Variants in SENP7 observed in about 807,000 individuals in gnomAD.
The protein encoded by SENP7 is sentrin-specific protease 7.
A neutral mutation model predicts 141.2 loss-of-function variants in SENP7; 64 were observed. The observed-to-expected ratio is 0.45, with a 90% CI of 0.37 to 0.56. SENP7 has a LOEUF of 0.56. Among genes scored for constraint, SENP7 ranks in the 20% least tolerant of loss-of-function variants. The probability of loss-of-function intolerance (pLI) is 0.00; values close to 1 mark genes in which losing one functional copy is unlikely to be tolerated. For synonymous variants in SENP7, 382 were observed against 426.4 expected, an observed-to-expected ratio of 0.90 and a Z score of 1.28; for missense variants, 1,025 against 1,212.2, an observed-to-expected ratio of 0.85 and a Z score of 2.29.
intron 13 of SENP7, among the ~76,000 whole-genome samples, chr3:101,346,742 T>C (rs1402888550): frequency 2.7e-5 from 4 of 150,278 alleles, no homozygotes; most frequent in Non-Finnish European, 5.9e-5. Flanking sequence ...ACAATAGACT[T>C]TGGGGGCTCA....
chr3:101,400,183 A>T (rs1438232448), intron 5 of SENP7, among the ~76,000 whole-genome samples: 1 of 152,186 alleles, frequency 6.6e-6, no homozygotes, highest in Non-Finnish European at 1.5e-5. Context: ...TGATTTTTTT[A>T]AGTTCCTGTT....
intron 6 of SENP7, among the ~76,000 whole-genome samples, chr3:101,380,445 C>CACACACACACA (rs1553707804): frequency 2.3e-5 from 3 of 128,826 alleles, no homozygotes; most frequent in African/African-American, 8.5e-5. Context: ...GCCCCCCCCC[C>CACACACACACA]CACACACACA....
intron 2 of SENP7, among the ~76,000 whole-genome samples, chr3:101,497,857 C>T (rs2065221311): frequency 6.6e-6 from 1 of 152,218 alleles, no homozygotes; most frequent in Non-Finnish European, 1.5e-5. Flanking sequence ...GGCTGGAATG[C>T]AGTGGTGCGA....
intron 6 of SENP7, among the ~76,000 whole-genome samples, chr3:101,388,906 TG>T (rs1490321806): frequency 1.4e-4 from 22 of 151,816 alleles, no homozygotes; most frequent in African/African-American, 5.1e-4. Flanking sequence ...GAAGAATTTC[TG>T]AACTTGAAGA....
intron 19 of SENP7, among the ~76,000 whole-genome samples, chr3:101,330,716 C>T (rs1012524076): frequency 8.5e-5 from 13 of 152,120 alleles, no homozygotes; most frequent in African/African-American, 3.1e-4. Flanking sequence ...AGTTAATCTG[C>T]CTAATAATGG....
intron 4 of SENP7, among the ~76,000 whole-genome samples, chr3:101,428,615 AG>A: frequency 6.6e-6 from 1 of 152,326 alleles, no homozygotes; most frequent in Non-Finnish European, 1.5e-5. Context: ...TCAGATGGAC[AG>A]ATTGCAAAAA....
chr3:101,512,928 G>A (rs959364531), intron 1 of SENP7, among the ~76,000 whole-genome samples, 163 bp downstream of exon 1: 3 of 152,018 alleles, frequency 2.0e-5, no homozygotes, highest in Middle Eastern at 3.2e-3. Context: ...TCGACTCCAG[G>A]GGCGGGGGCG....
intron 3 of SENP7, among the ~76,000 whole-genome samples, chr3:101,470,572 TC>T (rs1291371517): frequency 1.3e-5 from 2 of 152,130 alleles, no homozygotes; most frequent in Admixed American, 1.3e-4. Context: ...CTGGAAGCAT[TC>T]CCTTTGAAAA....
intron 3 of SENP7, among the ~76,000 whole-genome samples, chr3:101,480,554 A>T (rs1203925860): frequency 6.6e-6 from 1 of 152,188 alleles, no homozygotes; most frequent in Non-Finnish European, 1.5e-5. Flanking sequence ...ATAATACCTG[A>T]AACTATAAAA....
intron 4 of SENP7, among the ~76,000 whole-genome samples, 157 bp downstream of exon 4, chr3:101,458,798 A>G (rs1001950161): frequency 6.6e-6 from 1 of 152,230 alleles, no homozygotes; most frequent in African/African-American, 2.4e-5. Context: ...TTAAAATCAC[A>G]GAAAGTTAGA....
chr3:101,345,277 T>C (rs530852205), intron 13 of SENP7, among the ~76,000 whole-genome samples: 83 of 152,286 alleles, frequency 5.5e-4, no homozygotes, highest in Admixed American at 1.8e-3. Context: ...GGGAATTGCA[T>C]TGAATTTGTA....
chr3:101,414,767 C>T, intron 5 of SENP7: 1 of 583,750 alleles, frequency 1.7e-6, no homozygotes. Context: ...GCATATGTCA[C>T]TTGCCTCTAG....
chr3:101,509,058 G>A (rs1400863970), intron 1 of SENP7, among the ~76,000 whole-genome samples: 1 of 151,846 alleles, frequency 6.6e-6, no homozygotes. Flanking sequence ...TCACCAAACT[G>A]TTCTTTGATG....
chr3:101,425,880 C>A (rs779644516), intron 4 of SENP7, among the ~76,000 whole-genome samples: 1 of 152,064 alleles, frequency 6.6e-6, no homozygotes, highest in Non-Finnish European at 1.5e-5. Flanking sequence ...GTATTAATAG[C>A]AGAATAGACC....
intron 11 of SENP7, among the ~76,000 whole-genome samples, chr3:101,354,853 A>G (rs1337499928): frequency 6.6e-6 from 1 of 151,962 alleles, no homozygotes; most frequent in Non-Finnish European, 1.5e-5. Flanking sequence ...GCATCCCCCA[A>G]CAAGTGTGTC....
chr3:101,402,483 A>C (rs2061174301), intron 5 of SENP7, among the ~76,000 whole-genome samples: 1 of 152,062 alleles, frequency 6.6e-6, no homozygotes, highest in Non-Finnish European at 1.5e-5. Flanking sequence ...TTTGCCAGGC[A>C]TGGTGGTGCA....
intron 10 of SENP7, chr3:101,363,057 C>A (rs758288976): frequency 4.6e-6 from 2 of 433,544 alleles, no homozygotes; most frequent in South Asian, 2.0e-4. Context: ...TTACCTCTCG[C>A]AAATGTGACT....
At chr3:101,374,819 A>T (rs554530343) in intron 6 of SENP7, among the ~76,000 whole-genome samples, 6 of 152,042 alleles carry the variant, frequency 3.9e-5, no homozygotes, top group African/African-American at 1.4e-4. Context: ...AAAGGACACT[A>T]GTGAAAAGAC....
intron 3 of SENP7, among the ~76,000 whole-genome samples, chr3:101,487,944 C>A (rs1576501902): frequency 6.6e-6 from 1 of 152,066 alleles, no homozygotes; most frequent in African/African-American, 2.4e-5. Flanking sequence ...GCTATTTGGG[C>A]TCTTTTTTGT....
Sources: allele counts gnomAD v4.1 joint callset (sites outside exome capture counted in the v4.1 genomes callset), GRCh38; gene constraint gnomAD v4.1.1; transcripts MANE v1.5; gene names NCBI Gene and HGNC (gene_info 2026-07-23, HGNC 2026-07-21).